The following GTSE1 variants were observed in gnomAD, a reference collection of about 807,000 sequenced individuals.
GTSE1 encodes the protein G2 and S phase-expressed protein 1.
Under a neutral mutation model 60.5 loss-of-function variants are expected in GTSE1, and 52 were observed. That is an observed-to-expected ratio of 0.86 (90% CI 0.69 to 1.08). The LOEUF is 1.08. Ranked by LOEUF, GTSE1 falls within the 50% of genes least tolerant of loss-of-function variation. GTSE1 has a pLI of 0.00. For synonymous variants in GTSE1, 368 were observed against 386.5 expected, an observed-to-expected ratio of 0.95 and a Z score of 0.56; for missense variants, 937 against 961.8, an observed-to-expected ratio of 0.97 and a Z score of 0.34.
In GTSE1 at chr22:46,323,187, T is replaced by C; in HGVS notation, c.1433-3T>C. On this transcript the variant is annotated splice_region_variant and splice_polypyrimidine_tract_variant and intron_variant, in intron 7 of 11. Transcript: ENST00000454366. Reference sequence around the variant, plus strand: ...GACCGCACACTTCCTTTCTTGGACTTAGGTGACTCCCCGGACAGCTCAACA... The same window carrying C: ...GACCGCACACTTCCTTTCTTGGACTCAGGTGACTCCCCGGACAGCTCAACA... The C allele has an allele frequency of 6.2e-7, 1 of 1,610,856 alleles. No individual in the cohort carries two copies. Among genetic ancestry groups the C allele is most frequent in the Non-Finnish European group, 8.5e-7 (1 of 1,176,958 alleles).
rs1407857006 is a variant in GTSE1, at chr22:46,324,838, A to G, written c.1505+1576A>G. 2.0e-5 allele frequency among the ~76,000 whole-genome samples: 3 copies of G among 152,140 alleles called. No individual in the cohort carries two copies. Among genetic ancestry groups the G allele is most frequent in the Non-Finnish European group, 1.5e-5 (1 of 68,026 alleles). On this transcript the variant is annotated intron_variant, in intron 8 of 11. Coordinates refer to ENST00000454366, the MANE Select transcript of GTSE1 (RefSeq NM_016426.7). This position sits in a 1 kb window ranked among gnomAD's most constrained non-coding sequence, Gnocchi z 5.2. ...ATTTCAGCCTCGTTGCTTTTCTTCC[A>G]TTTAAATAGGCTAGAGTCAGTCTGT...
rs2077695896 is a variant in GTSE1 at position 46,302,713 on chromosome 22, C to T, written c.79+5234C>T. On this transcript the variant is annotated intron_variant, in intron 2 of 11. Coordinates refer to ENST00000454366, the MANE Select transcript of GTSE1 (RefSeq NM_016426.7). ...AGTGTCATAGTTAGAAGTCCACACT[C>T]CCAAGTTACAAAAGTTTCCTCATAG... is the stretch of plus-strand genomic sequence containing the variant. Among the ~76,000 whole-genome samples, 4 of 151,978 alleles carry T rather than the reference C, an allele frequency of 2.6e-5. No individual in the cohort carries two copies. The South Asian group carries it at 6.2e-4, about 24-fold the overall frequency.
intron 2 of GTSE1, among the ~76,000 whole-genome samples, chr22:46,306,436 C>T (rs1297433109): frequency 4.6e-5 from 7 of 151,936 alleles, no homozygotes; most frequent in Admixed American, 4.6e-4. Context: ...CCGCCTCGGC[C>T]TCCCAAAGTG....
Position 46,326,636 on chromosome 22 carries a change from G to A in GTSE1, c.1706G>A (p.Arg569His), listed in dbSNP as rs200685863. The change falls in exon 9 of 12, where the codon CGC becomes CAC. Residue 569 changes from arginine to histidine, a missense_variant. Arg to His is a conservative substitution (Grantham distance 29). Transcript: ENST00000454366. ...GCTCGGAGACGTTCCTCTGAGCCCC[G>A]CAAGAACTCTGCAATGAGGTAAGAC... is the stretch of plus-strand genomic sequence containing the variant. Reference protein sequence around the residue: ...VPARRRSSEPRKNSAMRTEPT... With the variant: ...VPARRRSSEPHKNSAMRTEPT... 47 of 1,609,624 alleles carry A rather than the reference G, an allele frequency of 2.9e-5. No homozygotes were observed. The highest frequency in any genetic ancestry group is 6.7e-5 in the African/African-American group (5 of 74,838).
intron 2 of GTSE1, among the ~76,000 whole-genome samples, chr22:46,303,597 G>A (rs1216440701): frequency 2.6e-5 from 4 of 152,162 alleles, no homozygotes; most frequent in Non-Finnish European, 5.9e-5. Flanking sequence ...TCATTGCCAC[G>A]TGCCTGGCTT....
rs2077811203 is a variant in GTSE1, at chr22:46,321,299, G to A, written c.1433-1891G>A. 1.3e-5 allele frequency among the ~76,000 whole-genome samples: 2 copies of A among 152,230 alleles called. No individual in the cohort carries two copies. The highest frequency in any genetic ancestry group is 1.3e-4 in the Admixed American group (2 of 15,290). Reference sequence around the variant, plus strand: ...GGCACCTGTAGTCCCAGCTACTTGGGAGACTGAGGCAGGAAGATTACTTGA... The same window carrying A: ...GGCACCTGTAGTCCCAGCTACTTGGAAGACTGAGGCAGGAAGATTACTTGA... On this transcript the variant is annotated intron_variant, in intron 7 of 11. Transcript: ENST00000454366. The surrounding 1 kb of genome is among the most constrained non-coding windows in gnomAD (Gnocchi z 4.0).
rs187910454 is a variant in GTSE1 at position 46,306,040 on chromosome 22, C to T, written c.80-2110C>T. Among the ~76,000 whole-genome samples the T allele has an allele frequency of 8.0e-3, 1,215 of 152,076 alleles. 17 individuals are homozygous for T. The highest frequency in any genetic ancestry group is 0.027 in the African/African-American group (1,127 of 41,464). On this transcript the variant is annotated intron_variant, in intron 2 of 11. Transcript: ENST00000454366. Reference sequence around the variant, plus strand: ...ATTCCCTCTCTGTGTGGTTATTTCTCTTTTCTTTCTTTTGTGCATTTGTTC... The same window carrying T: ...ATTCCCTCTCTGTGTGGTTATTTCTTTTTTCTTTCTTTTGTGCATTTGTTC...
chr22:46,326,378 T>G (rs2147833508), intron 8 of GTSE1, 58 bp from the exon 9 acceptor site: 1,662 of 1,380,646 alleles, frequency 1.2e-3, no homozygotes, highest in Non-Finnish European at 1.5e-3. Flanking sequence ...GGCTGAATGA[T>G]GAGATCTTAC....
chr22:46,311,701 A>AG (rs1231835078), intron 4 of GTSE1, among the ~76,000 whole-genome samples: 1 of 152,204 alleles, frequency 6.6e-6, no homozygotes, highest in Non-Finnish European at 1.5e-5. Context: ...GGCCAAAGAA[A>AG]ATGGCTTTCA....
intron 8 of GTSE1, among the ~76,000 whole-genome samples, chr22:46,325,236 A>T (rs1226243275): frequency 6.6e-6 from 1 of 152,120 alleles, no homozygotes; most frequent in Non-Finnish European, 1.5e-5. Context: ...TCGCTCTGTC[A>T]CCTAGGCTGG....
intron 8 of GTSE1, among the ~76,000 whole-genome samples, chr22:46,325,052 G>T (rs1335810596): frequency 6.6e-6 from 1 of 152,114 alleles, no homozygotes; most frequent in Admixed American, 6.6e-5. Context: ...ACAAACATTT[G>T]TTTCTCACAA....
intron 9 of GTSE1, among the ~76,000 whole-genome samples, chr22:46,328,123 G>A (rs1050604227): frequency 6.6e-6 from 1 of 152,226 alleles, no homozygotes; most frequent in Non-Finnish European, 1.5e-5. Flanking sequence ...TCAGTTTTGC[G>A]TGGCAGGTAC....
intron 4 of GTSE1, 55 bp from the exon 5 acceptor site, chr22:46,312,086 C>A: frequency 6.9e-7 from 1 of 1,445,810 alleles, no homozygotes; most frequent in Non-Finnish European, 9.5e-7. Flanking sequence ...GCCTGAGTAT[C>A]TCTGTACATT....
chr22:46,329,671 T>G lies in GTSE1; in HGVS notation c.2136+104T>G, dbSNP rs906122414. 2.1e-5 allele frequency: 18 copies of G among 874,840 alleles called. No individual in the cohort carries two copies. The highest frequency in any genetic ancestry group is 2.0e-4 in the African/African-American group (12 of 60,198). The allele number at this position is 874,840 out of a possible 1,614,324, so 54.2% of individuals were successfully genotyped here. On this transcript the variant is annotated intron_variant, in intron 11 of 11. Transcript: ENST00000454366. The surrounding 1 kb of genome is among the most constrained non-coding windows in gnomAD (Gnocchi z 6.4). ...TCGTGGGACCCTTGAGAGTGGCTGT[T>G]GAGTCTTCTCAGCTACACACCTCAG...
In GTSE1 at chr22:46,321,822, C is replaced by T. The variant is rs2077814123; in HGVS notation, c.1433-1368C>T. ...TGGGGCAGTGGCTCACGCCTGTAAT[C>T]CCAGCACTTTGGGAGGCCGAGGCGG... On this transcript the variant is annotated intron_variant, in intron 7 of 11. Transcript: ENST00000454366. The surrounding 1 kb of genome is among the most constrained non-coding windows in gnomAD (Gnocchi z 4.0). Among the ~76,000 whole-genome samples the T allele has an allele frequency of 6.6e-6, 1 of 152,124 alleles. No homozygotes were observed. The highest frequency in any genetic ancestry group is 1.5e-5 in the Non-Finnish European group (1 of 68,008).
chr22:46,318,848 G>A lies in GTSE1; in HGVS notation c.1432+2436G>A, dbSNP rs566875290. On this transcript the variant is annotated intron_variant, in intron 7 of 11. Transcript: ENST00000454366. This position sits in a 1 kb window ranked among gnomAD's most constrained non-coding sequence, Gnocchi z 4.8. ...CAGGGACCCAGGCTTACTCCATCCT[G>A]TGCTGCCGTGATGAGCTTCTCATCC... 1.3e-5 allele frequency among the ~76,000 whole-genome samples: 2 copies of A among 152,250 alleles called. No homozygotes were observed. The highest frequency in any genetic ancestry group is 3.9e-4 in the East Asian group (2 of 5,178).
In GTSE1 at chr22:46,318,773, G is replaced by A. The variant is rs1217310280; in HGVS notation, c.1432+2361G>A. 2.6e-5 allele frequency among the ~76,000 whole-genome samples: 4 copies of A among 152,136 alleles called. No homozygotes were observed. Among genetic ancestry groups the A allele is most frequent in the South Asian group, 2.1e-4 (1 of 4,824 alleles). ...CGGAGGGTGGGAGTGCAGCCGCTGC[G>A]GTCGGGATTCTGCGTAGACGTGCGA... On this transcript the variant is annotated intron_variant, in intron 7 of 11. Coordinates refer to ENST00000454366, the MANE Select transcript of GTSE1 (RefSeq NM_016426.7). The surrounding 1 kb of genome is among the most constrained non-coding windows in gnomAD (Gnocchi z 4.8).
Position 46,316,073 on chromosome 22 carries a change from C to T in GTSE1, c.1093C>T (p.Arg365Trp), listed in dbSNP as rs779759409. 1.8e-5 allele frequency: 28 copies of T among 1,532,208 alleles called. No homozygotes were observed. In the Middle Eastern group the frequency reaches 1.2e-3, roughly 67 times the overall value. The allele number at this position is 1,532,208 out of a possible 1,614,324, so 94.9% of individuals were successfully genotyped here. A position where few individuals can be genotyped will look rare whatever the true frequency, so the allele number is the denominator to read the frequency against. The change falls in exon 7 of 12, where the codon CGG becomes TGG. Residue 365 changes from arginine to tryptophan, a missense_variant. Coordinates refer to ENST00000454366, the MANE Select transcript of GTSE1 (RefSeq NM_016426.7). This position sits in a 1 kb window ranked among gnomAD's most constrained non-coding sequence, Gnocchi z 5.0. The stretch of plus-strand genomic sequence containing the variant: ...TGCAAGTATTCCTGCAAATAGCTCC[C>T]GGCCTCTGTCAAACATCAGCAAGTC... The part of the protein sequence containing the change: ...EFASIPANSS[R>W]PLSNISKSGR...
Position 46,330,131 on chromosome 22 carries a change from G to C in GTSE1, c.*1G>C. 2 of 1,580,902 alleles carry C rather than the reference G, an allele frequency of 1.3e-6. No individual in the cohort carries two copies. The highest frequency in any genetic ancestry group is 1.7e-6 in the Non-Finnish European group (2 of 1,149,770). ...GGATTCCCCACTCCTCAAGTTCTAA[G>C]CCGAACCAAATCCTTTGCCTTGAAA... On this transcript the variant is annotated 3_prime_UTR_variant, in exon 12 of 12. Coordinates refer to ENST00000454366, the MANE Select transcript of GTSE1 (RefSeq NM_016426.7). This position sits in a 1 kb window ranked among gnomAD's most constrained non-coding sequence, Gnocchi z 6.0.
Sources: allele counts gnomAD v4.1 joint callset (sites outside exome capture counted in the v4.1 genomes callset), GRCh38; gene constraint gnomAD v4.1.1; non-coding constraint Gnocchi (gnomAD v3.1); transcripts MANE v1.5; gene names NCBI Gene and HGNC (gene_info 2026-07-23, HGNC 2026-07-21).